PACRG: variants seen among roughly 807,000 people sequenced by gnomAD.
The protein encoded by PACRG is parkin coregulated, also known as parkin coregulated gene protein.
PACRG carries 29 observed loss-of-function variants against 29.7 expected under a neutral mutation model. The ratio of observed to expected loss-of-function variants is 0.98; its 90% CI spans 0.73 to 1.33. PACRG has a LOEUF of 1.33. Among genes scored for constraint, PACRG ranks in the 40% most tolerant of loss-of-function variants. The probability of loss-of-function intolerance (pLI) is 0.00; values close to 1 mark genes in which losing one functional copy is unlikely to be tolerated. For missense variants in PACRG, 279 were observed against 316.2 expected (o/e 0.88, Z 0.89); for synonymous variants, 116 against 118.7 (o/e 0.98, Z 0.15).
In PACRG at chr6:163,070,772, A is replaced by T. The variant is rs1050025111; in HGVS notation, c.463+8451A>T. On this transcript the variant is annotated intron_variant, in intron 3 of 4. Transcript: ENST00000366888. Reference sequence around the variant, plus strand: ...AGGCACAGAGTAGCTGAATTGATTTAAAAAAAAAAAAGACCTAATGATCTG... The same window carrying T: ...AGGCACAGAGTAGCTGAATTGATTTTAAAAAAAAAAAGACCTAATGATCTG... Among the ~76,000 whole-genome samples, 19 of 142,762 alleles carry T rather than the reference A, an allele frequency of 1.3e-4. No individual in the cohort carries two copies. The East Asian group carries it at 1.4e-3, about 11-fold the overall frequency. 93.7% of individuals were successfully genotyped at this position (142,762 alleles called of 152,430 possible). A position where few individuals can be genotyped will look rare whatever the true frequency, so the allele number is the denominator to read the frequency against.
chr6:163,122,914 A>G (rs922673008), intron 4 of PACRG, among the ~76,000 whole-genome samples: 1 of 152,202 alleles, frequency 6.6e-6, no homozygotes, highest in African/African-American at 2.4e-5. Flanking sequence ...AAAACTTAAC[A>G]TAAGACTACT....
chr6:162,785,527 G>A (rs370775331), intron 1 of PACRG, among the ~76,000 whole-genome samples: 4 of 151,746 alleles, frequency 2.6e-5, no homozygotes, highest in African/African-American at 4.8e-5. Flanking sequence ...ATTTGGTGCC[G>A]GGGACTGGTT....
intron 2 of PACRG, among the ~76,000 whole-genome samples, chr6:163,018,624 C>T (rs4709672): frequency 0.62 from 93,771 of 152,016 alleles, 30,523 homozygotes; most frequent in East Asian, 0.96. Context: ...TTGGTAATTT[C>T]GCCCAGATTT....
At chr6:162,885,256 C>T (rs1346615213) in intron 2 of PACRG, among the ~76,000 whole-genome samples, 6 of 139,758 alleles carry the variant, frequency 4.3e-5, no homozygotes, top group Non-Finnish European at 6.2e-5. Context: ...TTTCTGGGAG[C>T]TTTCTTTCTC....
intron 4 of PACRG, among the ~76,000 whole-genome samples, chr6:163,253,783 C>T (rs1354246974): frequency 6.6e-6 from 1 of 152,228 alleles, no homozygotes; most frequent in Non-Finnish European, 1.5e-5. Flanking sequence ...CCTGAAATTC[C>T]ACTCTTGGAT....
At chr6:162,742,697 A>G (rs1378378747) in intron 1 of PACRG, among the ~76,000 whole-genome samples, 5 of 151,840 alleles carry the variant, frequency 3.3e-5, no homozygotes, top group Admixed American at 1.3e-4. Context: ...ATAGTATTCC[A>G]TTGTCTATAT....
upstream of PACRG, chr6:162,727,886 G>C: frequency 1.7e-6 from 1 of 596,084 alleles, no homozygotes; most frequent in Non-Finnish European, 2.9e-6. Flanking sequence ...CCTGCCCCCA[G>C]CCCCCCACCG....
At chr6:162,812,735 T>A (rs1283711439) in intron 1 of PACRG, among the ~76,000 whole-genome samples, 1 of 152,102 alleles carries the variant, frequency 6.6e-6, no homozygotes, top group Non-Finnish European at 1.5e-5. Context: ...AGCCTCCAGC[T>A]TAAAGAGCTG....
chr6:163,124,710 C>T (rs1038065012), intron 4 of PACRG, among the ~76,000 whole-genome samples: 4 of 152,102 alleles, frequency 2.6e-5, no homozygotes, highest in East Asian at 3.9e-4. Context: ...GGCTGCAGTT[C>T]GGCACCAGTG....
intron 4 of PACRG, among the ~76,000 whole-genome samples, chr6:163,122,012 A>G (rs757443918): frequency 2.0e-5 from 3 of 152,028 alleles, no homozygotes; most frequent in African/African-American, 2.4e-5. Context: ...GCTATTCTAT[A>G]CATGCGGAGG....
At chr6:163,074,525 TAATC>T (rs149721094) in intron 3 of PACRG, among the ~76,000 whole-genome samples, 2,740 of 152,254 alleles carry the variant, frequency 0.018, 96 homozygotes, top group African/African-American at 0.062. Context: ...GAAAACGACT[TAATC>T]ATTCATTTTT....
At chr6:162,994,674 C>T (rs1803794340) in intron 2 of PACRG, among the ~76,000 whole-genome samples, 1 of 135,550 alleles carries the variant, frequency 7.4e-6, no homozygotes, top group Non-Finnish European at 1.5e-5. Flanking sequence ...AACTTCTTTG[C>T]CTTTAGTTTG....
chr6:163,085,532 C>T (rs1813478602), intron 3 of PACRG, among the ~76,000 whole-genome samples: 1 of 152,216 alleles, frequency 6.6e-6, no homozygotes, highest in Admixed American at 6.5e-5. Context: ...AAGACACACT[C>T]CCAGTGACAC....
intron 4 of PACRG, among the ~76,000 whole-genome samples, chr6:163,126,286 C>T (rs1044053492): frequency 6.6e-6 from 1 of 152,204 alleles, no homozygotes; most frequent in Non-Finnish European, 1.5e-5. Context: ...TCATTAACCT[C>T]TGAATCAGGC....
At chr6:163,137,886 G>A (rs2128332739) in intron 4 of PACRG, among the ~76,000 whole-genome samples, 2 of 152,364 alleles carry the variant, frequency 1.3e-5, no homozygotes, top group Middle Eastern at 6.8e-3. Flanking sequence ...TGGGCTCCCT[G>A]CAAATATTCT....
chr6:162,752,252 G>A (rs1191228919), intron 1 of PACRG, among the ~76,000 whole-genome samples: 1 of 152,110 alleles, frequency 6.6e-6, no homozygotes, highest in Non-Finnish European at 1.5e-5. Context: ...CTGTGTGAAA[G>A]CAAAGATGAA....
intron 1 of PACRG, among the ~76,000 whole-genome samples, chr6:162,776,135 T>C (rs1395802093): frequency 6.6e-6 from 1 of 152,186 alleles, no homozygotes. Flanking sequence ...TTGCAATATT[T>C]TTCTCTGTAT....
At chr6:163,184,361 A>G (rs1030595252) in intron 4 of PACRG, among the ~76,000 whole-genome samples, 1 of 152,160 alleles carries the variant, frequency 6.6e-6, no homozygotes, top group Non-Finnish European at 1.5e-5. Context: ...AAGACAGTGC[A>G]TCTCTTTATA....
chr6:163,308,889 G>C (rs1214360505), intron 4 of PACRG, among the ~76,000 whole-genome samples: 1 of 152,148 alleles, frequency 6.6e-6, no homozygotes, highest in Non-Finnish European at 1.5e-5. Flanking sequence ...GACTGATGAC[G>C]TCAAAGGTTA....
Sources: gnomAD v4.1 joint callset for allele counts (sites outside exome capture counted in the v4.1 genomes callset) on GRCh38, gnomAD v4.1.1 for gene constraint, MANE v1.5 for transcripts, NCBI Gene and HGNC (gene_info 2026-07-23, HGNC 2026-07-21) for gene names.